Variants in ADAM18 observed in about 807,000 individuals in gnomAD.
The protein encoded by ADAM18 is disintegrin and metalloproteinase domain-containing protein 18.
Under a neutral mutation model 94.4 loss-of-function variants are expected in ADAM18, and 117 were observed. The ratio of observed to expected loss-of-function variants is 1.24; its 90% CI spans 1.07 to 1.45. The LOEUF (loss-of-function observed/expected upper bound fraction) is 1.45. Among genes scored for constraint, ADAM18 ranks in the 40% most tolerant of loss-of-function variants. The probability of loss-of-function intolerance (pLI) is 0.00; values close to 1 mark genes in which losing one functional copy is unlikely to be tolerated. For missense variants in ADAM18, 936 were observed against 880.0 expected, an observed-to-expected ratio of 1.06 and a Z score of -0.81; for synonymous variants, 327 against 291.6, an observed-to-expected ratio of 1.12 and a Z score of -1.24.
At chr8:39,697,133 TG>T (rs1185104361) in intron 17 of ADAM18, among the ~76,000 whole-genome samples, 4 of 151,658 alleles carry the variant, frequency 2.6e-5, no homozygotes, top group African/African-American at 7.2e-5. Flanking sequence ...ATATTGTAAA[TG>T]GTATTGTTTT....
At chr8:39,623,078 T>C (rs7826673) in intron 6 of ADAM18, among the ~76,000 whole-genome samples, 1 of 152,192 alleles carries the variant, frequency 6.6e-6, no homozygotes, top group Admixed American at 6.5e-5. Context: ...ACTCTGTATG[T>C]CTTTGCATAC....
At chr8:39,661,344 T>C (rs1260231711) in intron 12 of ADAM18, among the ~76,000 whole-genome samples, 2 of 90,654 alleles carry the variant, frequency 2.2e-5, no homozygotes, top group Non-Finnish European at 5.3e-5. Context: ...TTTTTTTTTT[T>C]TTTGTATTTT....
intron 3 of ADAM18, among the ~76,000 whole-genome samples, chr8:39,607,082 C>T (rs1325509701): frequency 6.6e-6 from 1 of 152,142 alleles, no homozygotes. Flanking sequence ...TTATGATATG[C>T]TGATTACAAG....
intron 14 of ADAM18, among the ~76,000 whole-genome samples, chr8:39,669,412 C>T (rs1196877297): frequency 6.6e-6 from 1 of 150,486 alleles, no homozygotes; most frequent in African/African-American, 2.4e-5. Flanking sequence ...GTGCTGCACC[C>T]AGTAACTCGT....
intron 18 of ADAM18, among the ~76,000 whole-genome samples, chr8:39,716,970 T>G (rs1822595312): frequency 6.6e-6 from 1 of 151,924 alleles, no homozygotes; most frequent in Non-Finnish European, 1.5e-5. Context: ...TTTTTGACAG[T>G]CTATTTTGTC....
intron 11 of ADAM18, among the ~76,000 whole-genome samples, chr8:39,647,584 C>G (rs6982755): frequency 6.6e-6 from 1 of 152,088 alleles, no homozygotes; most frequent in Non-Finnish European, 1.5e-5. Flanking sequence ...GGCTGGGGGA[C>G]GGTCAGGTCT....
At chr8:39,707,435 A>G (rs1822270513) in intron 18 of ADAM18, among the ~76,000 whole-genome samples, 1 of 152,204 alleles carries the variant, frequency 6.6e-6, no homozygotes, top group South Asian at 2.1e-4. Flanking sequence ...GTTAATCAGA[A>G]CACATGTTCT....
chr8:39,724,889 A>C, intron 19 of ADAM18, among the ~76,000 whole-genome samples: 1 of 151,828 alleles, frequency 6.6e-6, no homozygotes, highest in East Asian at 1.9e-4. Flanking sequence ...TTAATTTTCA[A>C]CTTAGTTGAG....
intron 2 of ADAM18, chr8:39,605,701 T>C: frequency 4.4e-6 from 1 of 227,998 alleles, no homozygotes; most frequent in South Asian, 5.5e-5. Context: ...ACTTTTCATT[T>C]TTATTTTATT....
chr8:39,642,701 C>T (rs1820269691), intron 10 of ADAM18, among the ~76,000 whole-genome samples: 1 of 151,830 alleles, frequency 6.6e-6, no homozygotes, highest in Non-Finnish European at 1.5e-5. Flanking sequence ...ATGATGTCTC[C>T]AGCTTTGTTT....
At chr8:39,605,296 C>G (rs1026648663) in intron 2 of ADAM18, among the ~76,000 whole-genome samples, 1 of 152,174 alleles carries the variant, frequency 6.6e-6, no homozygotes, top group African/African-American at 2.4e-5. Flanking sequence ...TTACGCCCCC[C>G]TGAAGAATTT....
Position 39,648,400 on chromosome 8 carries a change from T to G in ADAM18, c.1103T>G (p.Phe368Cys). 1.2e-6 allele frequency: 2 copies of G among 1,613,192 alleles called. No homozygotes were observed. Among genetic ancestry groups the G allele is most frequent in the Non-Finnish European group, 1.7e-6 (2 of 1,179,636 alleles). ...TGCAGCATGCACGACTATAGATATT[T>G]TGTTTCAAAATTTGAGACTAAATGC... ...SNCSMHDYRY[F>C]VSKFETKCLQ... Residue 368 changes from phenylalanine to cysteine, a missense_variant, in exon 12 of 20, where the codon TTT becomes TGT. Transcript: ENST00000265707.
At chr8:39,674,062 A>G (rs898506421) in intron 14 of ADAM18, among the ~76,000 whole-genome samples, 1 of 152,196 alleles carries the variant, frequency 6.6e-6, no homozygotes, top group South Asian at 2.1e-4. Flanking sequence ...CAATTTTAGA[A>G]TAAGTGAGAT....
At chr8:39,673,337 A>G (rs1373327373) in intron 14 of ADAM18, among the ~76,000 whole-genome samples, 2 of 151,992 alleles carry the variant, frequency 1.3e-5, no homozygotes, top group African/African-American at 4.8e-5. Context: ...TATTTATTGT[A>G]CTTTAAGTTC....
Position 39,663,849 on chromosome 8 carries a change from G to A in ADAM18, c.1285G>A (p.Val429Ile), listed in dbSNP as rs201475153. 2 of 1,612,274 alleles carry A rather than the reference G, an allele frequency of 1.2e-6. No individual in the cohort carries two copies. Among genetic ancestry groups the A allele is most frequent in the Non-Finnish European group, 1.7e-6 (2 of 1,179,636 alleles). ...DYNTCKLKGS[V>I]KCGSGPCCTS... ...TAACACATGTAAACTGAAGGGCTCAGTAAAATGTGGTTCTGGACCATGTTG... is the reference window on the plus strand; with the variant it reads ...TAACACATGTAAACTGAAGGGCTCAATAAAATGTGGTTCTGGACCATGTTG... Residue 429 changes from valine to isoleucine, a missense_variant, in exon 13 of 20, where the codon GTA becomes ATA. Physicochemically the swap from Val to Ile is conservative, Grantham distance 29 (BLOSUM62 3). Transcript: ENST00000265707.
Position 39,717,720 on chromosome 8 carries a change from A to G in ADAM18, c.2018-6028A>G, listed in dbSNP as rs149696983. On this transcript the variant is annotated intron_variant, in intron 18 of 19. Transcript: ENST00000265707. The stretch of plus-strand genomic sequence containing the variant: ...TTGGCAATGATTTCATTGTGGGACT[A>G]TATCAAACTATAAAGCTCTATACAG... Among the ~76,000 whole-genome samples, 1,018 of 151,802 alleles carry G rather than the reference A, an allele frequency of 6.7e-3. 10 individuals are homozygous for G. Among genetic ancestry groups the G allele is most frequent in the Middle Eastern group, 0.037 (11 of 294 alleles).
intron 10 of ADAM18, among the ~76,000 whole-genome samples, 154 bp downstream of exon 10, chr8:39,638,700 A>C (rs1217419519): frequency 6.6e-6 from 1 of 151,880 alleles, no homozygotes; most frequent in Non-Finnish European, 1.5e-5. Context: ...AATTAATAGA[A>C]TCTCAGAAAG....
At chr8:39,722,307 A>G (rs1279522766) in intron 18 of ADAM18, among the ~76,000 whole-genome samples, 2 of 144,208 alleles carry the variant, frequency 1.4e-5, no homozygotes, top group Non-Finnish European at 3.1e-5. Context: ...ATACATATTT[A>G]TATTTCTTTA....
chr8:39,714,213 C>T (rs1471096259), intron 18 of ADAM18, among the ~76,000 whole-genome samples: 1 of 152,172 alleles, frequency 6.6e-6, no homozygotes, highest in East Asian at 1.9e-4. Flanking sequence ...ACTGCATGTT[C>T]TCACTCATAG....
Sources: gnomAD v4.1 joint callset for allele counts (sites outside exome capture counted in the v4.1 genomes callset) on GRCh38, gnomAD v4.1.1 for gene constraint, MANE v1.5 for transcripts, NCBI Gene and HGNC (gene_info 2026-07-23, HGNC 2026-07-21) for gene names.